The following SOX6 variants were observed in gnomAD, a reference collection of about 807,000 sequenced individuals.
The protein encoded by SOX6 is transcription factor SOX-6.
SOX6 carries 11 observed loss-of-function variants against 97.8 expected under a neutral mutation model. The ratio of observed to expected loss-of-function variants is 0.11; its 90% confidence interval spans 0.07 to 0.19. The LOEUF is 0.19. Among genes scored for constraint, SOX6 ranks in the 10% least tolerant of loss-of-function variants. The pLI, the probability that SOX6 is intolerant of heterozygous loss-of-function variation, is 1.00. For missense variants in SOX6, 810 were observed against 1,039.5 expected, an observed-to-expected ratio of 0.78 and a Z score of 3.04; for synonymous variants, 360 against 371.4, an observed-to-expected ratio of 0.97 and a Z score of 0.35.
intron 7 of SOX6, among the ~76,000 whole-genome samples, chr11:16,099,112 A>G (rs1848874402): frequency 6.6e-6 from 1 of 151,802 alleles, no homozygotes; most frequent in South Asian, 2.1e-4. Flanking sequence ...CTGATTGCAT[A>G]TGGAGCGCTG....
At chr11:16,413,512 CTTTTTTTTTT>C (rs752774148) in intron 1 of SOX6, among the ~76,000 whole-genome samples, 6 of 76,226 alleles carry the variant, frequency 7.9e-5, no homozygotes, top group African/African-American at 2.7e-4. Context: ...AAGACTTCTA[CTTTTTTTTTT>C]TTTTTTTTTT....
intron 14 of SOX6, among the ~76,000 whole-genome samples, chr11:15,987,694 T>A (rs1053413012): frequency 1.4e-5 from 2 of 146,996 alleles, no homozygotes; most frequent in African/African-American, 2.5e-5. Flanking sequence ...CACTGATTTT[T>A]TTTTTTTTTA....
At chr11:16,508,876 A>G (rs918244310) in intron 4 of SOX6, among the ~76,000 whole-genome samples, 3 of 152,132 alleles carry the variant, frequency 2.0e-5, no homozygotes, top group Non-Finnish European at 4.4e-5. Context: ...ACTTAAAGTG[A>G]TGAGTCCTAA....
intron 4 of SOX6, among the ~76,000 whole-genome samples, chr11:16,525,124 A>T (rs1418013276): frequency 6.6e-6 from 1 of 152,182 alleles, no homozygotes. Context: ...AGAATTGGAA[A>T]AAACTACTTT....
intron 6 of SOX6, among the ~76,000 whole-genome samples, chr11:16,169,783 C>T (rs540863499): frequency 6.6e-6 from 1 of 152,140 alleles, no homozygotes; most frequent in South Asian, 2.1e-4. Context: ...CTTTCCCCTC[C>T]CCCTCTAGTG....
intron 6 of SOX6, among the ~76,000 whole-genome samples, chr11:16,171,185 A>T (rs549600749): frequency 6.6e-6 from 1 of 151,962 alleles, no homozygotes; most frequent in Non-Finnish European, 1.5e-5. Flanking sequence ...GATGCTGTGA[A>T]CCCCCAAAAT....
intron 3 of SOX6, among the ~76,000 whole-genome samples, chr11:16,273,721 T>C (rs747541983): frequency 5.3e-5 from 8 of 151,916 alleles, no homozygotes; most frequent in South Asian, 4.1e-4. Context: ...CATACGAAGA[T>C]GAAAAACAGG....
At chr11:16,179,172 G>T (rs571548155) in intron 6 of SOX6, among the ~76,000 whole-genome samples, 1 of 151,898 alleles carries the variant, frequency 6.6e-6, no homozygotes, top group Non-Finnish European at 1.5e-5. Context: ...GAAACAAAAG[G>T]TAAGGTCTAT....
intron 4 of SOX6, among the ~76,000 whole-genome samples, chr11:16,233,032 T>C (rs1852906481): frequency 6.6e-6 from 1 of 152,198 alleles, no homozygotes; most frequent in Admixed American, 6.5e-5. Flanking sequence ...AAAAGATGAC[T>C]TCCTTTTCTC....
At chr11:16,530,287 T>C (rs1020376349) in intron 4 of SOX6, among the ~76,000 whole-genome samples, 5 of 152,140 alleles carry the variant, frequency 3.3e-5, no homozygotes, top group Middle Eastern at 3.4e-3. Context: ...ACTCAGTAAA[T>C]GTTAGAAAAT....
intron 2 of SOX6, among the ~76,000 whole-genome samples, chr11:16,734,825 G>C (rs1181824895): frequency 1.3e-5 from 2 of 152,130 alleles, no homozygotes; most frequent in African/African-American, 4.8e-5. Flanking sequence ...TGAGAGTCTA[G>C]AACAGTCAAC....
chr11:16,006,957 G>A (rs906924038), intron 13 of SOX6, among the ~76,000 whole-genome samples: 30 of 152,072 alleles, frequency 2.0e-4, no homozygotes, highest in African/African-American at 5.8e-4. Context: ...TCCTAGCACC[G>A]GAGATTCAGT....
At chr11:16,392,224 A>G (rs920605275) in intron 1 of SOX6, among the ~76,000 whole-genome samples, 5 of 152,156 alleles carry the variant, frequency 3.3e-5, no homozygotes, top group African/African-American at 1.2e-4. Context: ...AAAATTGAAA[A>G]TAGTAGTTAC....
At chr11:16,117,549 G>T (rs77351544) in intron 6 of SOX6, among the ~76,000 whole-genome samples, 2,710 of 152,210 alleles carry the variant, frequency 0.018, 76 homozygotes, top group African/African-American at 0.062. Context: ...CTTACTAAAA[G>T]ATTGTCGGTT....
At chr11:15,982,900 G>T (rs10832538) in intron 15 of SOX6, among the ~76,000 whole-genome samples, 49,321 of 151,698 alleles carry the variant, frequency 0.33, 9,481 homozygotes, top group Non-Finnish European at 0.43. Context: ...AAGTATATTC[G>T]GTCACAGTTC....
At chr11:16,012,485 C>T (rs1854761287) in intron 13 of SOX6, among the ~76,000 whole-genome samples, 1 of 151,978 alleles carries the variant, frequency 6.6e-6, no homozygotes, top group East Asian at 1.9e-4. Context: ...TTCACATGCT[C>T]CTTAAGCTCC....
chr11:16,643,392 T>C (rs1398286757), intron 3 of SOX6, among the ~76,000 whole-genome samples: 9 of 152,198 alleles, frequency 5.9e-5, no homozygotes. Context: ...GTCTGTCCAT[T>C]CTCAGATCTC....
At chr11:16,687,517 T>G (rs1260396587) in intron 3 of SOX6, among the ~76,000 whole-genome samples, 1 of 152,168 alleles carries the variant, frequency 6.6e-6, no homozygotes, top group Non-Finnish European at 1.5e-5. Context: ...TGACCTTAGG[T>G]GATCCACCTG....
chr11:16,604,690 G>GACAGCCCATCTCGCTA (rs1304671523), intron 4 of SOX6, among the ~76,000 whole-genome samples: 1 of 152,154 alleles, frequency 6.6e-6, no homozygotes, highest in Non-Finnish European at 1.5e-5. Context: ...AGCAGCCCAG[G>GACAGCCCATCTCGCTA]ACAGCCCATC....
Sources: gnomAD v4.1 joint callset for allele counts (sites outside exome capture counted in the v4.1 genomes callset) on GRCh38, gnomAD v4.1.1 for gene constraint, MANE v1.5 for transcripts, NCBI Gene and HGNC (gene_info 2026-07-23, HGNC 2026-07-21) for gene names.